Variants in MINAR2 observed in about 807,000 individuals in gnomAD.
MINAR2 encodes membrane integral NOTCH2 associated receptor 2.
MINAR2 carries 21 observed loss-of-function variants against 16.1 expected under a neutral mutation model. The observed-to-expected ratio is 1.31, with a 90% CI of 0.93 to 1.88. The LOEUF (loss-of-function observed/expected upper bound fraction) is 1.88. Ranked by LOEUF, MINAR2 falls within the 40% of genes most tolerant of loss-of-function variation. The pLI, the probability that MINAR2 is intolerant of heterozygous loss-of-function variation, is 0.00. For synonymous variants in MINAR2, 86 were observed against 83.0 expected (o/e 1.04, Z -0.20); for missense variants, 259 against 229.8 (o/e 1.13, Z -0.82).
chr5:129,758,628 A>T (rs1431024120), intron 1 of MINAR2, among the ~76,000 whole-genome samples: 2 of 151,976 alleles, frequency 1.3e-5, no homozygotes, highest in Non-Finnish European at 2.9e-5. Context: ...TCATTTATAG[A>T]TCTTTCTTAT....
rs1457806548 is a variant in MINAR2, at chr5:129,756,953, A to AC, written c.166-3425_166-3424insC. ...CCACAGTAAAAAAAAAAAAAAAAAA[A>AC]AAAAACACACACACACAAACATATA... is the stretch of plus-strand genomic sequence containing the variant. On this transcript the variant is annotated intron_variant, in intron 1 of 2. Transcript: ENST00000564719. 1.2e-4 allele frequency among the ~76,000 whole-genome samples: 18 copies of AC among 148,624 alleles called. No homozygotes were observed. The East Asian group carries it at 1.8e-3, about 15-fold the overall frequency.
rs954226960 is a variant in MINAR2, at chr5:129,754,756, A to T, written c.166-5622A>T. ...GATTTTGAATCCAGAAAGTGTGTTA[A>T]CATCTATTTTGCCCATAAACATCCC... On this transcript the variant is annotated intron_variant, in intron 1 of 2. Coordinates refer to ENST00000564719, the MANE Select transcript of MINAR2 (RefSeq NM_001257308.2). Among the ~76,000 whole-genome samples the T allele has an allele frequency of 5.3e-5, 8 of 152,304 alleles. No individual in the cohort carries two copies. In the East Asian group the frequency reaches 1.4e-3, roughly 26 times the overall value.
Position 129,765,019 on chromosome 5 carries a change from T to C in MINAR2, c.529T>C (p.Ser177Pro). Reference sequence around the variant, plus strand: ...GGGTCTGATTTTACTTGTCGTTATCTCCATCTTGGTTACCATAGTGACTAT... The same window carrying C: ...GGGTCTGATTTTACTTGTCGTTATCCCCATCTTGGTTACCATAGTGACTAT... ...RMGLILLVVI[S>P]ILVTIVTIIT... Residue 177 changes from serine to proline, a missense_variant, in exon 3 of 3, where the codon TCC (serine) becomes CCC (proline). Coordinates refer to ENST00000564719, the MANE Select transcript of MINAR2 (RefSeq NM_001257308.2). 7.4e-7 allele frequency: 1 copy of C among 1,345,718 alleles called. No homozygotes were observed. The highest frequency in any genetic ancestry group is 9.6e-7 in the Non-Finnish European group (1 of 1,046,856). The allele number at this position is 1,345,718 out of a possible 1,614,324, so 83.4% of individuals were successfully genotyped here. A position where few individuals can be genotyped will look rare whatever the true frequency, so the allele number is the denominator to read the frequency against.
chr5:129,755,646 G>C (rs10072995), intron 1 of MINAR2, among the ~76,000 whole-genome samples: 25,588 of 151,906 alleles, frequency 0.17, 2,366 homozygotes, highest in East Asian at 0.3. Context: ...AATTTCTGCT[G>C]TGTCTCTTGT....
Position 129,765,425 on chromosome 5 carries a change from C to A in MINAR2, c.*362C>A, listed in dbSNP as rs1180512240. On this transcript the variant is annotated 3_prime_UTR_variant, in exon 3 of 3. Transcript: ENST00000564719. The stretch of plus-strand genomic sequence containing the variant: ...GTTTTCATGCTTAAACTATATTAAC[C>A]TTGTTTTAAAAATACTGTTAACTCT... 5.9e-6 allele frequency: 1 copy of A among 168,810 alleles called. No individual in the cohort carries two copies. The highest frequency in any genetic ancestry group is 2.4e-5 in the African/African-American group (1 of 42,266). The allele number at this position is 168,810 out of a possible 1,614,324, so 10.5% of individuals were successfully genotyped here. A position where few individuals can be genotyped will look rare whatever the true frequency, so the allele number is the denominator to read the frequency against.
intron 2 of MINAR2, among the ~76,000 whole-genome samples, chr5:129,764,556 A>AATGTG (rs1287014061): frequency 6.6e-6 from 1 of 152,212 alleles, no homozygotes; most frequent in Non-Finnish European, 1.5e-5. Flanking sequence ...AATTGGCTAC[A>AATGTG]ATGTGATAGA....
At chr5:129,754,157 G>A (rs1349621548) in intron 1 of MINAR2, among the ~76,000 whole-genome samples, 1 of 152,140 alleles carries the variant, frequency 6.6e-6, no homozygotes, top group Middle Eastern at 3.2e-3. Context: ...TGAGCACAAA[G>A]AGCCCTGGTT....
At chr5:129,750,937 T>C (rs571482054) in intron 1 of MINAR2, among the ~76,000 whole-genome samples, 83 of 152,294 alleles carry the variant, frequency 5.4e-4, no homozygotes, top group African/African-American at 1.7e-3. Context: ...ACTGATCCTT[T>C]CATCCCACAC....
chr5:129,763,843 C>T (rs1758171053), intron 2 of MINAR2, among the ~76,000 whole-genome samples: 1 of 152,120 alleles, frequency 6.6e-6, no homozygotes, highest in Non-Finnish European at 1.5e-5. Context: ...GTTCATTGAC[C>T]CCTGATGCTG....
At chr5:129,756,954 A>C (rs1318710951) in intron 1 of MINAR2, among the ~76,000 whole-genome samples, 8 of 148,590 alleles carry the variant, frequency 5.4e-5, no homozygotes, top group South Asian at 2.1e-4. Context: ...AAAAAAAAAA[A>C]AAAACACACA....
chr5:129,762,240 G>A (rs991071860), intron 2 of MINAR2, among the ~76,000 whole-genome samples: 1 of 151,822 alleles, frequency 6.6e-6, no homozygotes, highest in East Asian at 1.9e-4. Context: ...ACTAGCACAT[G>A]TAACCCTGAA....
intron 1 of MINAR2, among the ~76,000 whole-genome samples, chr5:129,748,656 G>T (rs929874047): frequency 1.3e-5 from 2 of 151,974 alleles, no homozygotes; most frequent in African/African-American, 4.8e-5. Flanking sequence ...CAAACTAATT[G>T]TTATATGCAC....
At chr5:129,753,512 G>T (rs1758013048) in intron 1 of MINAR2, among the ~76,000 whole-genome samples, 1 of 147,832 alleles carries the variant, frequency 6.8e-6, no homozygotes, top group African/African-American at 2.5e-5. Flanking sequence ...CCAGCACTTT[G>T]GGAGGCCGAG....
chr5:129,765,159 T>G lies in MINAR2; in HGVS notation c.*96T>G, dbSNP rs938027996. 21 of 626,444 alleles carry G rather than the reference T, an allele frequency of 3.4e-5. No individual in the cohort carries two copies. Among genetic ancestry groups the G allele is most frequent in the East Asian group, 2.7e-4 (8 of 30,046 alleles). The allele number at this position is 626,444 out of a possible 1,614,324, so 38.8% of individuals were successfully genotyped here. ...CACCAAAATAACAAAAAAACACATG[T>G]ACATGCAGTGTGAATGGATTGTTGA... On this transcript the variant is annotated 3_prime_UTR_variant, in exon 3 of 3. Transcript: ENST00000564719.
rs934921086 is a variant in MINAR2, at chr5:129,751,508, C to T, written c.165+3153C>T. On this transcript the variant is annotated intron_variant, in intron 1 of 2. Transcript: ENST00000564719. ...AGGCATGAGTCACCATGCCTGGCCT[C>T]AATCTAGGAAAATAAGCAGTGATGG... Among the ~76,000 whole-genome samples, 14 of 152,244 alleles carry T rather than the reference C, an allele frequency of 9.2e-5. 1 individual carries two copies. The highest frequency in any genetic ancestry group is 5.9e-4 in the Admixed American group (9 of 15,278).
At chr5:129,754,534 A>G (rs1004189555) in intron 1 of MINAR2, among the ~76,000 whole-genome samples, 1 of 152,210 alleles carries the variant, frequency 6.6e-6, no homozygotes, top group African/African-American at 2.4e-5. Context: ...ATCCATGACC[A>G]TGATGTATCG....
chr5:129,753,745 TC>T (rs1758017147), intron 1 of MINAR2, among the ~76,000 whole-genome samples: 1 of 148,060 alleles, frequency 6.8e-6, no homozygotes, highest in Non-Finnish European at 1.5e-5. Flanking sequence ...AGGGTGGGAC[TC>T]CGTTGAAAGA....
At chr5:129,749,887 T>C (rs915273205) in intron 1 of MINAR2, among the ~76,000 whole-genome samples, 2 of 152,196 alleles carry the variant, frequency 1.3e-5, no homozygotes, top group Non-Finnish European at 2.9e-5. Flanking sequence ...ACAGGCCCCA[T>C]TGGGTGGAAA....
chr5:129,754,172 G>T (rs1286302379), intron 1 of MINAR2, among the ~76,000 whole-genome samples: 1 of 152,160 alleles, frequency 6.6e-6, no homozygotes, highest in Non-Finnish European at 1.5e-5. Flanking sequence ...CTGGTTATCT[G>T]CAGGGAAAGG....
Sources: gnomAD v4.1 joint callset for allele counts (sites outside exome capture counted in the v4.1 genomes callset) on GRCh38, gnomAD v4.1.1 for gene constraint, MANE v1.5 for transcripts, NCBI Gene and HGNC (gene_info 2026-07-23, HGNC 2026-07-21) for gene names.